Variants in CTNND2 observed in about 807,000 individuals in gnomAD.
CTNND2 encodes the protein catenin delta-2.
CTNND2 carries 22 observed loss-of-function variants against 144.4 expected under a neutral mutation model. The observed-to-expected ratio is 0.15, with a 90% CI of 0.11 to 0.22. The LOEUF is 0.22. CTNND2 is among the 10% of genes least tolerant of loss of function. The probability of loss-of-function intolerance (pLI) is 1.00; values close to 1 mark genes in which losing one functional copy is unlikely to be tolerated. For missense variants in CTNND2, 1,353 were observed against 1,618.8 expected (o/e 0.84, Z 2.82); for synonymous variants, 751 against 695.6 (o/e 1.08, Z -1.25).
intron 9 of CTNND2, among the ~76,000 whole-genome samples, chr5:11,320,757 C>T (rs535296846): frequency 1.2e-4 from 19 of 152,250 alleles, no homozygotes; most frequent in East Asian, 5.8e-4. Flanking sequence ...CATCTCCCAC[C>T]GGATCCCTCC....
intron 2 of CTNND2, among the ~76,000 whole-genome samples, chr5:11,606,751 C>G (rs1780067429): frequency 6.6e-6 from 1 of 152,034 alleles, no homozygotes; most frequent in African/African-American, 2.4e-5. Flanking sequence ...CCCAGGATAC[C>G]TATATGGACA....
intron 1 of CTNND2, among the ~76,000 whole-genome samples, chr5:11,822,293 T>G (rs1282506462): frequency 6.6e-6 from 1 of 152,130 alleles, no homozygotes; most frequent in Non-Finnish European, 1.5e-5. Flanking sequence ...TTTTGGAGAG[T>G]TGGCATAAAT....
intron 15 of CTNND2, among the ~76,000 whole-genome samples, chr5:11,086,538 T>C: frequency 6.6e-6 from 1 of 152,194 alleles, no homozygotes; most frequent in East Asian, 1.9e-4. Context: ...GAGATTCACA[T>C]TTCTTTCCTT....
intron 3 of CTNND2, among the ~76,000 whole-genome samples, chr5:11,504,053 T>G (rs1033221501): frequency 2.6e-5 from 4 of 152,232 alleles, no homozygotes; most frequent in Admixed American, 6.5e-5. Flanking sequence ...GTACAAAACA[T>G]AGAGAGTGCT....
intron 2 of CTNND2, among the ~76,000 whole-genome samples, chr5:11,568,511 T>C (rs917605373): frequency 1.2e-4 from 18 of 152,198 alleles, no homozygotes; most frequent in Non-Finnish European, 2.1e-4. Flanking sequence ...TTGGAGTTGA[T>C]AACTGAGCTT....
At chr5:11,144,648 C>T (rs1396107981) in intron 12 of CTNND2, among the ~76,000 whole-genome samples, 1 of 152,110 alleles carries the variant, frequency 6.6e-6, no homozygotes, top group African/African-American at 2.4e-5. Context: ...TAGGGGACAA[C>T]AGGTATCCTT....
At chr5:11,211,529 T>C (rs1361257102) in intron 10 of CTNND2, among the ~76,000 whole-genome samples, 1 of 152,200 alleles carries the variant, frequency 6.6e-6, no homozygotes, top group Non-Finnish European at 1.5e-5. Context: ...CAAGTCTGAC[T>C]GAAAGAAAGG....
chr5:11,674,534 A>C (rs901586552), intron 2 of CTNND2, among the ~76,000 whole-genome samples: 1 of 152,162 alleles, frequency 6.6e-6, no homozygotes, highest in Non-Finnish European at 1.5e-5. Flanking sequence ...TAATCACCAA[A>C]GTTCATAGTT....
chr5:11,429,555 G>A (rs1763091579), intron 3 of CTNND2, among the ~76,000 whole-genome samples: 1 of 152,168 alleles, frequency 6.6e-6, no homozygotes, highest in Admixed American at 6.5e-5. Flanking sequence ...TCTGGCTAGA[G>A]AGGAACTGAC....
At chr5:11,300,771 C>T (rs1057185275) in intron 9 of CTNND2, among the ~76,000 whole-genome samples, 2 of 152,240 alleles carry the variant, frequency 1.3e-5, no homozygotes, top group African/African-American at 2.4e-5. Context: ...CTCTCCATGA[C>T]GAGCTAAGCC....
chr5:11,190,232 C>T (rs1322839569), intron 11 of CTNND2, among the ~76,000 whole-genome samples: 2 of 152,222 alleles, frequency 1.3e-5, no homozygotes, highest in Non-Finnish European at 2.9e-5. Flanking sequence ...AATTATGTAA[C>T]ACTGGACTCT....
At chr5:11,850,481 T>C (rs1794961096) in intron 1 of CTNND2, among the ~76,000 whole-genome samples, 1 of 152,232 alleles carries the variant, frequency 6.6e-6, no homozygotes, top group African/African-American at 2.4e-5. Flanking sequence ...CCTTTGTGAA[T>C]ACTAGTAGTA....
chr5:11,010,656 C>T (rs1740974870), intron 18 of CTNND2, among the ~76,000 whole-genome samples: 2 of 152,196 alleles, frequency 1.3e-5, no homozygotes, highest in Admixed American at 6.5e-5. Context: ...CTGATTTGGA[C>T]ATGTGAGGAA....
At chr5:11,651,275 C>T (rs1288958607) in intron 2 of CTNND2, among the ~76,000 whole-genome samples, 1 of 152,184 alleles carries the variant, frequency 6.6e-6, no homozygotes, top group East Asian at 1.9e-4. Flanking sequence ...GAAGCCATGG[C>T]AGTTTCCACA....
intron 2 of CTNND2, among the ~76,000 whole-genome samples, chr5:11,592,149 TGCCTTCCTGCCTGCCTGCCTTCCTG>T (rs1170970877): frequency 4.2e-5 from 6 of 141,822 alleles, no homozygotes; most frequent in Non-Finnish European, 7.8e-5. Context: ...CCTGCCTTCC[TGCCTTCCTGCCTGCCTGCCTTCCTG>T]CCTGCCTGCC....
At chr5:11,119,665 T>C (rs1200970963) in intron 12 of CTNND2, among the ~76,000 whole-genome samples, 1 of 152,374 alleles carries the variant, frequency 6.6e-6, no homozygotes, top group Non-Finnish European at 1.5e-5. Flanking sequence ...GTTAAAATAA[T>C]AAGTTTGTCA....
At position 10,984,971 on chromosome 5, in the gene CTNND2, C is replaced by T. The variant is rs143959682; in HGVS notation, c.3344-3125G>A. Among the ~76,000 whole-genome samples the T allele has an allele frequency of 5.2e-3, 789 of 152,018 alleles. 6 individuals carry two copies. The highest frequency in any genetic ancestry group is 0.018 in the African/African-American group (762 of 41,454). ...TGCCTGTAATCCCAGCTACTCGAAA[C>T]GCTGAGGCAGGAGAATTGCTTGAAC... is the stretch of plus-strand genomic sequence containing the variant. On this transcript the variant is annotated intron_variant, in intron 20 of 21. Transcript: ENST00000304623.
At chr5:11,692,184 T>C (rs1784940471) in intron 2 of CTNND2, among the ~76,000 whole-genome samples, 1 of 152,220 alleles carries the variant, frequency 6.6e-6, no homozygotes, top group Non-Finnish European at 1.5e-5. Context: ...GCAATGTATT[T>C]TGTGAATTTT....
chr5:11,494,557 G>A (rs1454587163), intron 3 of CTNND2, among the ~76,000 whole-genome samples: 8 of 152,058 alleles, frequency 5.3e-5, no homozygotes, highest in African/African-American at 1.7e-4. Flanking sequence ...TGAAGCATTC[G>A]CTCATTTCTG....
Sources: gnomAD v4.1 joint callset for allele counts (sites outside exome capture counted in the v4.1 genomes callset) on GRCh38, gnomAD v4.1.1 for gene constraint, MANE v1.5 for transcripts, NCBI Gene and HGNC (gene_info 2026-07-23, HGNC 2026-07-21) for gene names.